PCLO: variants seen among roughly 807,000 people sequenced by gnomAD.
The protein encoded by PCLO is protein piccolo.
A neutral mutation model predicts 427.5 loss-of-function variants in PCLO; 82 were observed. That is an observed-to-expected ratio of 0.19 (90% CI 0.16 to 0.23). The LOEUF (loss-of-function observed/expected upper bound fraction) is 0.23. Among genes scored for constraint, PCLO ranks in the 10% least tolerant of loss-of-function variants. The pLI is 1.00. For synonymous variants in PCLO, 2,357 were observed against 2,155.4 expected, an observed-to-expected ratio of 1.09 and a Z score of -2.59; for missense variants, 6,239 against 6,115.9, an observed-to-expected ratio of 1.02 and a Z score of -0.67.
rs903116150 is a variant in PCLO, at chr7:82,814,742, T to C, written c.14791+7753A>G. Among the ~76,000 whole-genome samples, 10 of 152,050 alleles carry C rather than the reference T, an allele frequency of 6.6e-5. No individual in the cohort carries two copies. In the South Asian group the frequency reaches 8.3e-4, roughly 13 times the overall value. On this transcript the variant is annotated intron_variant, in intron 20 of 24. Transcript: ENST00000333891. ...TTATGTAGCTGCTGGAAAACTCCAC[T>C]GTACACTCGAGAAAAAAATGAGAGC...
intron 3 of PCLO, among the ~76,000 whole-genome samples, chr7:83,001,569 TA>T (rs1165184403): frequency 6.6e-6 from 1 of 151,642 alleles, no homozygotes; most frequent in African/African-American, 2.4e-5. Context: ...CTTAATCAGA[TA>T]CTTATTCCTG....
At chr7:82,912,840 T>C (rs1399132620) in intron 7 of PCLO, among the ~76,000 whole-genome samples, 1 of 152,078 alleles carries the variant, frequency 6.6e-6, no homozygotes, top group Non-Finnish European at 1.5e-5. Flanking sequence ...TGACAAAATA[T>C]CTATGATGAT....
chr7:83,021,293 G>A (rs1788336566), intron 3 of PCLO, among the ~76,000 whole-genome samples: 1 of 152,124 alleles, frequency 6.6e-6, no homozygotes, highest in African/African-American at 2.4e-5. Flanking sequence ...TTGTCTTGGT[G>A]TATTGGTCTG....
At chr7:82,980,389 T>TG (rs1409097414) in intron 3 of PCLO, among the ~76,000 whole-genome samples, 16 of 152,188 alleles carry the variant, frequency 1.1e-4, no homozygotes, top group Middle Eastern at 3.4e-3. Context: ...AATTGCTCCA[T>TG]GGGGGAAGTC....
chr7:83,133,110 T>G (rs929255333), intron 3 of PCLO, among the ~76,000 whole-genome samples: 3 of 151,974 alleles, frequency 2.0e-5, no homozygotes, highest in Admixed American at 6.6e-5. Context: ...GTTAATTAGA[T>G]CAAAGCAAAC....
In PCLO at chr7:82,769,497, G is replaced by A. The variant is rs570429047; in HGVS notation, c.15008-8004C>T. 4.6e-5 allele frequency among the ~76,000 whole-genome samples: 7 copies of A among 152,192 alleles called. No homozygotes were observed. In the South Asian group the frequency reaches 1.5e-3, roughly 32 times the overall value. On this transcript the variant is annotated intron_variant, in intron 22 of 24. Transcript: ENST00000333891. ...CTTAACTGGACATAGTATAAAGTGA[G>A]TTTACTGTCTCTCAGAATTCTAACA...
At chr7:83,046,662 A>C (rs2116238334) in intron 3 of PCLO, among the ~76,000 whole-genome samples, 1 of 152,154 alleles carries the variant, frequency 6.6e-6, no homozygotes, top group Non-Finnish European at 1.5e-5. Flanking sequence ...TTCTTATTTT[A>C]TTCCTGTTTG....
intron 16 of PCLO, among the ~76,000 whole-genome samples, chr7:82,832,629 A>G (rs1477490808): frequency 6.6e-6 from 1 of 152,076 alleles, no homozygotes; most frequent in African/African-American, 2.4e-5. Flanking sequence ...TCTACTCAAG[A>G]CCAGCAGGAA....
chr7:83,104,383 CAG>C (rs1790805184), intron 3 of PCLO, among the ~76,000 whole-genome samples: 1 of 151,956 alleles, frequency 6.6e-6, no homozygotes, highest in African/African-American at 2.4e-5. Context: ...ATAATATACG[CAG>C]AGAGTTCACC....
intron 22 of PCLO, among the ~76,000 whole-genome samples, chr7:82,787,871 G>A (rs1791016531): frequency 6.6e-6 from 1 of 151,958 alleles, no homozygotes; most frequent in African/African-American, 2.4e-5. Flanking sequence ...TTAATTAAAA[G>A]GAAATGAACT....
In PCLO at chr7:82,884,610, G is replaced by T. The variant is rs150599285; in HGVS notation, c.13529-5148C>A. On this transcript the variant is annotated intron_variant, in intron 9 of 24. Transcript: ENST00000333891. ...AAAGACTAAATCTGAAGGGTTTGCC[G>T]GATACTTCTATAAAAGGCAATGAAA... Among the ~76,000 whole-genome samples the T allele has an allele frequency of 1.9e-3, 296 of 152,076 alleles. 1 individual carries two copies. In the East Asian group the frequency reaches 0.02, roughly 10 times the overall value.
At chr7:82,968,263 T>C (rs181965114) in intron 3 of PCLO, among the ~76,000 whole-genome samples, 2 of 152,304 alleles carry the variant, frequency 1.3e-5, no homozygotes, top group Admixed American at 1.3e-4. Flanking sequence ...ATCAATTCTC[T>C]TGTTAATTTC....
Position 82,956,475 on chromosome 7 carries a change from T to C in PCLO, c.4478A>G (p.His1493Arg), listed in dbSNP as rs546376400. 4.4e-5 allele frequency: 71 copies of C among 1,613,844 alleles called. No homozygotes were observed. The South Asian group carries it at 6.8e-4, about 15-fold the overall frequency. ...SQQDIPSSKD[H>R]KEKSEFVDDI... ...ATCAACAAACTCAGACTTCTCTTTATGGTCCTTGCTGGAAGGAATATCTTG... is the reference window on the plus strand; with the variant it reads ...ATCAACAAACTCAGACTTCTCTTTACGGTCCTTGCTGGAAGGAATATCTTG... The change falls in exon 5 of 25, where the codon CAT becomes CGT. Residue 1493 changes from histidine (H) to arginine (R), a missense_variant. Coordinates refer to ENST00000333891, the MANE Select transcript of PCLO (RefSeq NM_033026.6).
At chr7:83,141,645 G>C (rs1182803631) in intron 2 of PCLO, among the ~76,000 whole-genome samples, 2 of 152,118 alleles carry the variant, frequency 1.3e-5, no homozygotes, top group Admixed American at 1.3e-4. Context: ...TTCAATCCTT[G>C]TGGTTTTATT....
chr7:83,073,658 T>C (rs1789874220), intron 3 of PCLO, among the ~76,000 whole-genome samples: 1 of 151,972 alleles, frequency 6.6e-6, no homozygotes. Context: ...CTAAATTGCT[T>C]AGGAAGTACC....
chr7:82,874,003 T>C (rs921436475), intron 10 of PCLO, among the ~76,000 whole-genome samples: 6 of 152,158 alleles, frequency 3.9e-5, no homozygotes, highest in Non-Finnish European at 7.4e-5. Context: ...TGTATACTAT[T>C]TTAAAAAGAT....
chr7:82,965,778 T>C lies in PCLO; in HGVS notation c.4010A>G (p.Glu1337Gly). The change falls in exon 4 of 25, where the codon GAA (glutamate) becomes GGA (glycine). Residue 1337 changes from glutamate (E) to glycine (G), a missense_variant. This residue lies in a region of PCLO where 4,677 missense variants were observed against 4,468.4 expected (regional missense o/e 1.05). Transcript: ENST00000333891. ...TAGTAAAATTTAACTTACTGTTTTTTCTTTCCCAGGTTCCACCTGATCAGG... is the reference window on the plus strand; with the variant it reads ...TAGTAAAATTTAACTTACTGTTTTTCCTTTCCCAGGTTCCACCTGATCAGG... ...AKPDQVEPGKEKTEKEDDKSD... is the reference protein window; with the variant it reads ...AKPDQVEPGKGKTEKEDDKSD... The C allele has an allele frequency of 6.3e-7, 1 of 1,580,574 alleles. No individual in the cohort carries two copies. The highest frequency in any genetic ancestry group is 8.6e-7 in the Non-Finnish European group (1 of 1,167,196).
At chr7:82,848,682 A>T (rs982388304) in intron 10 of PCLO, among the ~76,000 whole-genome samples, 1 of 152,134 alleles carries the variant, frequency 6.6e-6, no homozygotes, top group Non-Finnish European at 1.5e-5. Context: ...ATTGGCTCCA[A>T]TGGGAAATTC....
chr7:82,915,592 A>T lies in PCLO; in HGVS notation c.12394T>A (p.Phe4132Ile). 1 of 1,613,532 alleles carries T rather than the reference A, an allele frequency of 6.2e-7. No homozygotes were observed. Among genetic ancestry groups the T allele is most frequent in the South Asian group, 1.1e-5 (1 of 91,074 alleles). The change falls in exon 7 of 25, where the codon TTT becomes ATT. Residue 4132 changes from phenylalanine (F) to isoleucine (I), a missense_variant. This residue lies in a region of PCLO where 680 missense variants were observed against 677.3 expected (regional missense o/e 1.00). Coordinates refer to ENST00000333891, the MANE Select transcript of PCLO (RefSeq NM_033026.6). ...KLLKHQIKQE[F>I]RRGTESLDHL... ...TCTAAGCTCTCTGTCCCTCTACGAAATTCCTGTTTAATCTGATGTTTCAGA... is the reference window on the plus strand; with the variant it reads ...TCTAAGCTCTCTGTCCCTCTACGAATTTCCTGTTTAATCTGATGTTTCAGA...
Sources: gnomAD v4.1 joint callset for allele counts (sites outside exome capture counted in the v4.1 genomes callset) on GRCh38, gnomAD v4.1.1 for gene constraint, gnomAD v4.1.1 regional missense constraint, MANE v1.5 for transcripts, NCBI Gene and HGNC (gene_info 2026-07-23, HGNC 2026-07-21) for gene names.